Variants in PCDH11Y observed in about 807,000 individuals in gnomAD.
PCDH11Y encodes the protein protocadherin-11 Y-linked.
For synonymous variants in PCDH11Y, 9 were observed against 83.6 expected (o/e 0.11, Z 4.87); for missense variants, 12 against 224.8 (o/e 0.05, Z 6.05).
intron 3 of PCDH11Y, among the ~76,000 whole-genome samples, chrY:5,534,717 A>G: frequency 3.0e-5 from 1 of 33,676 alleles, no homozygotes; most frequent in Non-Finnish European, 7.4e-5. Context: ...TATATACCCA[A>G]GGATGAGACT....
intron 2 of PCDH11Y, among the ~76,000 whole-genome samples, chrY:5,386,067 A>C: frequency 3.0e-5 from 1 of 33,174 alleles, no homozygotes; most frequent in Non-Finnish European, 7.4e-5. Flanking sequence ...AAATTCTCTC[A>C]GCATTTGTTT....
chrY:5,300,691 A>T, intron 2 of PCDH11Y, among the ~76,000 whole-genome samples: 1 of 32,951 alleles, frequency 3.0e-5, no homozygotes, highest in East Asian at 7.9e-4. Context: ...GCAATTATTT[A>T]TCTGAGTGGG....
intron 2 of PCDH11Y, among the ~76,000 whole-genome samples, chrY:5,299,580 C>A (rs2053079710): frequency 3.1e-5 from 1 of 32,086 alleles, no homozygotes; most frequent in Non-Finnish European, 7.6e-5. Context: ...GTCTCTGTAA[C>A]TAACCACTCC....
intron 2 of PCDH11Y, among the ~76,000 whole-genome samples, chrY:5,408,845 C>T (rs2053243658): frequency 3.0e-5 from 1 of 33,667 alleles, no homozygotes; most frequent in Non-Finnish European, 7.3e-5. Flanking sequence ...TTGAAATATG[C>T]TCATTAATTA....
intron 2 of PCDH11Y, among the ~76,000 whole-genome samples, chrY:5,423,023 A>G (rs2053259797): frequency 3.0e-5 from 1 of 32,957 alleles, no homozygotes; most frequent in African/African-American, 1.2e-4. Context: ...TTTGCAAACC[A>G]TATATCTCAT....
chrY:5,356,275 T>C, intron 2 of PCDH11Y, among the ~76,000 whole-genome samples: 1 of 33,448 alleles, frequency 3.0e-5, no homozygotes, highest in African/African-American at 1.2e-4. Context: ...TCTTTTGATC[T>C]ATGAGTAAGG....
rs1569475850 is a variant in PCDH11Y, at chrY:5,192,358, CT to C, written c.3129+91652del. ...AAAGTAGAAAAAAGGAAGACCCCCC[CT>C]AGCAACATCATATGAGTACAAATTT... On this transcript the variant is annotated intron_variant, in intron 2 of 4. Coordinates refer to the PCDH11Y transcript ENST00000400457. Among the ~76,000 whole-genome samples the C allele has an allele frequency of 7.9e-4, 26 of 33,029 alleles. No individual in the cohort carries two copies. In the East Asian group the frequency reaches 0.019, roughly 24 times the overall value. The allele number at this position is 33,029 out of a possible 37,273, so 88.6% of individuals were successfully genotyped here. A position where few individuals can be genotyped will look rare whatever the true frequency, so the allele number is the denominator to read the frequency against.
At chrY:5,330,672 G>A (rs2124667469) in intron 2 of PCDH11Y, among the ~76,000 whole-genome samples, 1 of 33,731 alleles carries the variant, frequency 3.0e-5, no homozygotes, top group African/African-American at 1.1e-4. Context: ...TCAGATTAAC[G>A]TTAGAATCAA....
chrY:5,642,268 A>G, intron 4 of PCDH11Y, among the ~76,000 whole-genome samples: 4 of 33,801 alleles, frequency 1.2e-4, no homozygotes, highest in Non-Finnish European at 2.2e-4. Flanking sequence ...CTCCTGCACT[A>G]TTTTAATGAT....
chrY:5,009,366 G>T (rs2052544471), intron 1 of PCDH11Y, among the ~76,000 whole-genome samples: 3 of 33,395 alleles, frequency 9.0e-5, no homozygotes, highest in Non-Finnish European at 1.5e-4. Context: ...AAAAAATGAT[G>T]TTTTGATATG....
chrY:5,507,261 C>A, intron 3 of PCDH11Y, among the ~76,000 whole-genome samples: 1 of 32,857 alleles, frequency 3.0e-5, no homozygotes, highest in Non-Finnish European at 7.6e-5. Context: ...AAAAGTAAAT[C>A]TTTCTCTATT....
chrY:5,175,284 G>T, intron 2 of PCDH11Y, among the ~76,000 whole-genome samples: 1 of 28,128 alleles, frequency 3.6e-5, no homozygotes, highest in Non-Finnish European at 8.3e-5. Context: ...TAAATTGCAT[G>T]AATTTTTCTC....
intron 2 of PCDH11Y, among the ~76,000 whole-genome samples, chrY:5,305,699 T>G (rs2053089716): frequency 1.2e-3 from 41 of 33,376 alleles, no homozygotes; most frequent in African/African-American, 4.6e-3. Context: ...CATTCAATAC[T>G]AATAAAATCC....
At chrY:5,481,996 CTTTTTTTTTTTTTTTT>C (rs757309451) in intron 2 of PCDH11Y, among the ~76,000 whole-genome samples, 2 of 15,091 alleles carry the variant, frequency 1.3e-4, no homozygotes, top group Non-Finnish European at 3.1e-4. Context: ...GTTCTTTTTT[CTTTTTTTTTTTTTTTT>C]TTTTTGAGAC....
intron 4 of PCDH11Y, among the ~76,000 whole-genome samples, chrY:5,666,441 T>C (rs2124707779): frequency 2.9e-5 from 1 of 34,302 alleles, no homozygotes; most frequent in Admixed American, 2.7e-4. Flanking sequence ...AAATTAATGA[T>C]TGATTTCTCT....
intron 2 of PCDH11Y, among the ~76,000 whole-genome samples, chrY:5,497,843 T>C (rs1253838869): frequency 1.7e-3 from 59 of 34,094 alleles, no homozygotes; most frequent in Non-Finnish European, 3.1e-3. Context: ...AGTTTTATTA[T>C]TACTCAAATA....
rs2053436585 is a variant in PCDH11Y at position 5,567,773 on chromosome Y, TAC to T, written c.3329-14000_3329-13999del. On this transcript the variant is annotated intron_variant, in intron 3 of 4. Transcript: ENST00000400457. ...GTATCTAAATATGTATCTATCTAAA[TAC>T]ATATATATACACAAACATATAAAAT... Among the ~76,000 whole-genome samples, 180 of 30,166 alleles carry T rather than the reference TAC, an allele frequency of 6.0e-3. No individual in the cohort carries two copies. In the Middle Eastern group the frequency reaches 0.22, roughly 37 times the overall value. The allele number at this position is 30,166 out of a possible 37,273, so 80.9% of individuals were successfully genotyped here.
At chrY:5,513,065 C>T in intron 3 of PCDH11Y, among the ~76,000 whole-genome samples, 2 of 32,311 alleles carry the variant, frequency 6.2e-5, no homozygotes, top group Non-Finnish European at 1.5e-4. Flanking sequence ...GAGTCTCGTT[C>T]TGTTGCCCAG....
At chrY:5,127,275 G>A (rs373615121) in intron 2 of PCDH11Y, among the ~76,000 whole-genome samples, 1 of 30,882 alleles carries the variant, frequency 3.2e-5, no homozygotes, top group Non-Finnish European at 7.7e-5. Flanking sequence ...GTGCAATCTC[G>A]GCTCACTGAA....
Sources: gnomAD v4.1 joint callset for allele counts (sites outside exome capture counted in the v4.1 genomes callset) on GRCh38, gnomAD v4.1.1 for gene constraint, MANE v1.5 for transcripts, NCBI Gene and HGNC (gene_info 2026-07-23, HGNC 2026-07-21) for gene names.